COL23A1: variants seen among roughly 807,000 people sequenced by gnomAD.
COL23A1 encodes collagen type XXIII alpha 1 chain.
In COL23A1, 97 loss-of-function variants were observed where a neutral mutation model predicts 99.3. That is an observed-to-expected ratio of 0.98 (90% confidence interval 0.83 to 1.16). The LOEUF is 1.16. COL23A1 is among the 50% of genes most tolerant of loss of function. The pLI is 0.00. For missense variants in COL23A1, 762 were observed against 757.4 expected, an observed-to-expected ratio of 1.01 and a Z score of -0.07; for synonymous variants, 320 against 308.2, an observed-to-expected ratio of 1.04 and a Z score of -0.40.
At chr5:178,451,982 C>G (rs1007153809) in intron 2 of COL23A1, among the ~76,000 whole-genome samples, 1 of 151,914 alleles carries the variant, frequency 6.6e-6, no homozygotes, top group Non-Finnish European at 1.5e-5. Flanking sequence ...CAAAAAAATA[C>G]CAATTAAGTT....
intron 2 of COL23A1, among the ~76,000 whole-genome samples, chr5:178,449,902 G>A (rs541528883): frequency 6.6e-6 from 1 of 152,224 alleles, no homozygotes; most frequent in Non-Finnish European, 1.5e-5. Flanking sequence ...CGTTGGTCTA[G>A]TAGCCATCTG....
intron 2 of COL23A1, among the ~76,000 whole-genome samples, chr5:178,426,502 T>C (rs6868772): frequency 0.11 from 16,634 of 152,266 alleles, 2,075 homozygotes; most frequent in East Asian, 0.55. Flanking sequence ...AGCTTCCACC[T>C]GCGATCGCGC....
chr5:178,559,865 T>C (rs1326688235), intron 2 of COL23A1, among the ~76,000 whole-genome samples: 16 of 119,150 alleles, frequency 1.3e-4, no homozygotes, highest in African/African-American at 3.8e-4. Flanking sequence ...CACCCAAAAG[T>C]CACCTTTCCC....
At chr5:178,331,633 G>A (rs1428944282) in intron 2 of COL23A1, among the ~76,000 whole-genome samples, 2 of 152,220 alleles carry the variant, frequency 1.3e-5, no homozygotes, top group African/African-American at 2.4e-5. Context: ...GGTGGGGCAG[G>A]AGTAAACACC....
chr5:178,405,705 T>C (rs1200883090), intron 2 of COL23A1, among the ~76,000 whole-genome samples: 2 of 152,204 alleles, frequency 1.3e-5, no homozygotes, highest in African/African-American at 2.4e-5. Context: ...AAAATACAAT[T>C]ACTTACACAT....
At chr5:178,470,934 A>G (rs1756712521) in intron 2 of COL23A1, among the ~76,000 whole-genome samples, 1 of 152,184 alleles carries the variant, frequency 6.6e-6, no homozygotes, top group Non-Finnish European at 1.5e-5. Context: ...ATTCCTAAAT[A>G]TTCCTTCCAT....
intron 1 of COL23A1, among the ~76,000 whole-genome samples, chr5:178,569,401 C>A (rs1463120304): frequency 1.3e-5 from 2 of 152,240 alleles, no homozygotes; most frequent in Non-Finnish European, 2.9e-5. Context: ...TTAACATCAT[C>A]TTGAACGTTG....
At chr5:178,562,486 C>T (rs559669383) in intron 1 of COL23A1, 133 of 149,672 alleles carry the variant, frequency 8.9e-4, no homozygotes, top group Non-Finnish European at 1.5e-3. Flanking sequence ...AACCAGCAGG[C>T]GGAGCTTGCA....
intron 2 of COL23A1, among the ~76,000 whole-genome samples, chr5:178,432,271 T>C (rs1009421568): frequency 2.6e-5 from 4 of 152,120 alleles, no homozygotes; most frequent in African/African-American, 7.2e-5. Flanking sequence ...CTCCAAGGAA[T>C]TACAACAGAG....
Position 178,384,839 on chromosome 5 carries a change from C to G in COL23A1, c.362-77920G>C, listed in dbSNP as rs1763583422. On this transcript the variant is annotated intron_variant, in intron 2 of 28. Coordinates refer to ENST00000390654, the MANE Select transcript of COL23A1 (RefSeq NM_173465.4). This position sits in a 1 kb window ranked among gnomAD's most constrained non-coding sequence, Gnocchi z 5.5. ...GAAATGGCTGTGCCTTTTCCTAAAG[C>G]ATTAAAAGGTCCGTAACAGAAAAGC... 6.6e-6 allele frequency among the ~76,000 whole-genome samples: 1 copy of G among 152,164 alleles called. No individual in the cohort carries two copies. Among genetic ancestry groups the G allele is most frequent in the African/African-American group, 2.4e-5 (1 of 41,432 alleles).
At position 178,308,267 on chromosome 5, in the gene COL23A1, A is replaced by G. The variant is rs1466060850; in HGVS notation, c.362-1348T>C. Among the ~76,000 whole-genome samples, 2 of 152,176 alleles carry G rather than the reference A, an allele frequency of 1.3e-5. No homozygotes were observed. The highest frequency in any genetic ancestry group is 2.4e-5 in the African/African-American group (1 of 41,426). On this transcript the variant is annotated intron_variant, in intron 2 of 28. Transcript: ENST00000390654. This position sits in a 1 kb window ranked among gnomAD's most constrained non-coding sequence, Gnocchi z 5.1. ...CCCTCAGTGCTACACGACACGTCAA[A>G]AGATTTGCAGGCCCAGGGGTGAGGC...
chr5:178,384,754 C>A lies in COL23A1; in HGVS notation c.362-77835G>T, dbSNP rs147838911. 6.6e-6 allele frequency among the ~76,000 whole-genome samples: 1 copy of A among 152,342 alleles called. No individual in the cohort carries two copies. The highest frequency in any genetic ancestry group is 2.4e-5 in the African/African-American group (1 of 41,574). On this transcript the variant is annotated intron_variant, in intron 2 of 28. Transcript: ENST00000390654. This position sits in a 1 kb window ranked among gnomAD's most constrained non-coding sequence, Gnocchi z 5.5. ...CAGGGTGCACATATAACAGCCACCA[C>A]GACCCTTGTACCACCCGGGGACGGC...
At chr5:178,554,409 C>T (rs1191466376) in intron 2 of COL23A1, among the ~76,000 whole-genome samples, 1 of 152,092 alleles carries the variant, frequency 6.6e-6, no homozygotes, top group Non-Finnish European at 1.5e-5. Context: ...GAACTCCTGA[C>T]CTGAGGTGAT....
rs1763737133 is a variant in COL23A1 at position 178,387,512 on chromosome 5, G to A, written c.362-80593C>T. 3.3e-5 allele frequency among the ~76,000 whole-genome samples: 5 copies of A among 152,122 alleles called. No individual in the cohort carries two copies. Among genetic ancestry groups the A allele is most frequent in the African/African-American group, 7.2e-5 (3 of 41,408 alleles). On this transcript the variant is annotated intron_variant, in intron 2 of 28. Coordinates refer to ENST00000390654, the MANE Select transcript of COL23A1 (RefSeq NM_173465.4). This position sits in a 1 kb window ranked among gnomAD's most constrained non-coding sequence, Gnocchi z 4.7. The stretch of plus-strand genomic sequence containing the variant: ...GCCCATGAGCTCTCCTGGCAGGGTC[G>A]GGAACTGCCTGCTGCATCTGGGTAT...
chr5:178,400,446 C>G (rs993919592), intron 2 of COL23A1, among the ~76,000 whole-genome samples: 2 of 103,568 alleles, frequency 1.9e-5, no homozygotes, highest in East Asian at 2.9e-4. Context: ...TTTTGACAAT[C>G]GAGACACAGA....
chr5:178,379,945 C>T (rs1023807868), intron 2 of COL23A1, among the ~76,000 whole-genome samples: 6 of 151,700 alleles, frequency 4.0e-5, no homozygotes, highest in African/African-American at 1.5e-4. Context: ...CCATTTAGTT[C>T]AACCTTATTT....
chr5:178,478,913 T>C (rs1243993164), intron 2 of COL23A1, among the ~76,000 whole-genome samples: 1 of 152,126 alleles, frequency 6.6e-6, no homozygotes, highest in Non-Finnish European at 1.5e-5. Flanking sequence ...CTGCCAGAAT[T>C]TCTGGATTCG....
At chr5:178,491,459 T>C (rs1757930812) in intron 2 of COL23A1, among the ~76,000 whole-genome samples, 1 of 152,156 alleles carries the variant, frequency 6.6e-6, no homozygotes, top group Admixed American at 6.6e-5. Context: ...AAGGGAACTG[T>C]GCACGGTGGA....
At chr5:178,271,076 C>T (rs1362997041) in intron 5 of COL23A1, among the ~76,000 whole-genome samples, 1 of 152,194 alleles carries the variant, frequency 6.6e-6, no homozygotes, top group Admixed American at 6.5e-5. Flanking sequence ...AGTGGGGGCA[C>T]TCAGGGACCT....
Sources: allele counts gnomAD v4.1 joint callset (sites outside exome capture counted in the v4.1 genomes callset), GRCh38; gene constraint gnomAD v4.1.1; non-coding constraint Gnocchi (gnomAD v3.1); transcripts MANE v1.5; gene names NCBI Gene and HGNC (gene_info 2026-07-23, HGNC 2026-07-21).